Variants in RGS9 observed in about 807,000 individuals in gnomAD.
RGS9 encodes the protein regulator of G protein signaling 9.
RGS9 carries 78 observed loss-of-function variants against 102.0 expected under a neutral mutation model. That is an observed-to-expected ratio of 0.76 (90% CI 0.64 to 0.92). The LOEUF is 0.92. RGS9 is among the 40% of genes least tolerant of loss of function. The pLI is 0.00. For synonymous variants in RGS9, 353 were observed against 318.6 expected (o/e 1.11, Z -1.15); for missense variants, 833 against 866.1 (o/e 0.96, Z 0.48).
At chr17:65,217,434 T>C (rs994683434) in intron 17 of RGS9, among the ~76,000 whole-genome samples, 1 of 152,170 alleles carries the variant, frequency 6.6e-6, no homozygotes, top group Non-Finnish European at 1.5e-5. Flanking sequence ...AAGTTGAGCA[T>C]GTCAAGGACT....
At chr17:65,155,788 G>A (rs78061028) in intron 2 of RGS9, among the ~76,000 whole-genome samples, 4,529 of 152,264 alleles carry the variant, frequency 0.03, 235 homozygotes, top group African/African-American at 0.1. Flanking sequence ...TTCTGTGCAG[G>A]TGCTGAGTAT....
intron 18 of RGS9, among the ~76,000 whole-genome samples, chr17:65,226,995 G>C (rs1223299095): frequency 6.6e-6 from 1 of 152,022 alleles, no homozygotes; most frequent in African/African-American, 2.4e-5. Context: ...CAAAACCACA[G>C]GGATCCGAGC....
intron 15 of RGS9, among the ~76,000 whole-genome samples, chr17:65,204,788 G>A (rs1912986683): frequency 6.6e-6 from 1 of 152,138 alleles, no homozygotes; most frequent in East Asian, 1.9e-4. Flanking sequence ...AGGTGCAGTC[G>A]CTGTGCGAAA....
At chr17:65,174,156 T>C (rs1396253183) in intron 8 of RGS9, among the ~76,000 whole-genome samples, 3 of 152,176 alleles carry the variant, frequency 2.0e-5, no homozygotes, top group Non-Finnish European at 4.4e-5. Flanking sequence ...GCTGAGGGCA[T>C]AGAGGACTCT....
At chr17:65,139,368 G>A (rs1910066812) in intron 1 of RGS9, among the ~76,000 whole-genome samples, 1 of 150,782 alleles carries the variant, frequency 6.6e-6, no homozygotes, top group African/African-American at 2.4e-5. Flanking sequence ...ACGCTCCACT[G>A]GCTTCCCACA....
intron 1 of RGS9, among the ~76,000 whole-genome samples, chr17:65,139,891 G>A (rs992778952): frequency 3.3e-5 from 5 of 152,318 alleles, no homozygotes; most frequent in Admixed American, 6.5e-5. Flanking sequence ...CATGCCAGGC[G>A]ATCCTTAATG....
intron 1 of RGS9, among the ~76,000 whole-genome samples, chr17:65,143,677 C>A (rs1372142270): frequency 2.6e-5 from 4 of 151,800 alleles, no homozygotes; most frequent in African/African-American, 9.7e-5. Flanking sequence ...ACCTCTAGCC[C>A]CAGCTACTAG....
chr17:65,197,264 A>G, intron 13 of RGS9, 23 bp downstream of exon 13: 1 of 1,458,982 alleles, frequency 6.9e-7, no homozygotes, highest in Non-Finnish European at 9.5e-7. Flanking sequence ...TTACAAAAAA[A>G]AATTAAAATA....
chr17:65,170,054 T>TC, intron 8 of RGS9, among the ~76,000 whole-genome samples: 1 of 148,234 alleles, frequency 6.7e-6, no homozygotes, highest in East Asian at 2.0e-4. Flanking sequence ...CATTCTTTTT[T>TC]TTTTTTTTTT....
At chr17:65,166,566 G>A (rs992098891) in intron 7 of RGS9, among the ~76,000 whole-genome samples, 1 of 152,216 alleles carries the variant, frequency 6.6e-6, no homozygotes, top group Admixed American at 6.5e-5. Flanking sequence ...TTAAGCAAAT[G>A]CTGTTGCTGA....
intron 1 of RGS9, among the ~76,000 whole-genome samples, chr17:65,141,065 C>T (rs1258126146): frequency 1.3e-5 from 2 of 152,210 alleles, no homozygotes; most frequent in East Asian, 1.9e-4. Flanking sequence ...GTGCGATTCC[C>T]GAGGTTCTCA....
chr17:65,160,622 T>G, intron 5 of RGS9, 35 bp downstream of exon 5: 1 of 1,602,892 alleles, frequency 6.2e-7, no homozygotes, highest in Non-Finnish European at 8.5e-7. Flanking sequence ...CCTTTGGTAG[T>G]GCTTAACATG....
intron 9 of RGS9, among the ~76,000 whole-genome samples, chr17:65,181,200 T>A (rs375480773): frequency 1.8e-4 from 27 of 152,354 alleles, no homozygotes; most frequent in Middle Eastern, 3.4e-3. Context: ...AATTCTATTT[T>A]AAGTTCTTTG....
At chr17:65,158,486 C>G (rs1598569369) in intron 3 of RGS9, 141 bp downstream of exon 3, 1 of 825,062 alleles carries the variant, frequency 1.2e-6, no homozygotes. Context: ...GTAAAAGTAC[C>G]AGAATCAAAA....
At chr17:65,164,644 C>T (rs1180969442) in intron 7 of RGS9, among the ~76,000 whole-genome samples, 1 of 152,046 alleles carries the variant, frequency 6.6e-6, no homozygotes, top group Non-Finnish European at 1.5e-5. Context: ...AAAATAGATT[C>T]TTATGGCGGA....
At chr17:65,198,936 A>G (rs188614665) in intron 13 of RGS9, among the ~76,000 whole-genome samples, 1 of 152,236 alleles carries the variant, frequency 6.6e-6, no homozygotes, top group African/African-American at 2.4e-5. Flanking sequence ...ATAAGTGGTT[A>G]TAGTGCCATC....
Position 65,137,371 on chromosome 17 carries a change from G to C in RGS9, c.-170G>C. 1.5e-6 allele frequency: 1 copy of C among 657,140 alleles called. No homozygotes were observed. Among genetic ancestry groups the C allele is most frequent in the Non-Finnish European group, 2.7e-6 (1 of 369,438 alleles). 40.7% of individuals were successfully genotyped at this position (657,140 alleles called of 1,614,324 possible). A position where few individuals can be genotyped will look rare whatever the true frequency, so the allele number is the denominator to read the frequency against. On this transcript the variant is annotated 5_prime_UTR_variant, in exon 1 of 19. Transcript: ENST00000262406. ...GGCGCGGATTCCAGCTGCTTTCCAA[G>C]TCAGCGGCGCCTAGTGAGAGTCAGG... is the stretch of plus-strand genomic sequence containing the variant.
At chr17:65,226,044 C>T (rs747600234) in intron 18 of RGS9, among the ~76,000 whole-genome samples, 1 of 152,204 alleles carries the variant, frequency 6.6e-6, no homozygotes, top group African/African-American at 2.4e-5. Flanking sequence ...AAGTGCGTAG[C>T]CTTTGCCTGA....
intron 10 of RGS9, among the ~76,000 whole-genome samples, chr17:65,189,527 A>G (rs1183788254): frequency 6.6e-6 from 1 of 152,234 alleles, no homozygotes; most frequent in Admixed American, 6.5e-5. Flanking sequence ...CAGGGTCTGA[A>G]AAACCCCTCG....
Sources: gnomAD v4.1 joint callset for allele counts (sites outside exome capture counted in the v4.1 genomes callset) on GRCh38, gnomAD v4.1.1 for gene constraint, MANE v1.5 for transcripts, NCBI Gene and HGNC (gene_info 2026-07-23, HGNC 2026-07-21) for gene names.